Variants in RPA3 observed in about 807,000 individuals in gnomAD.
RPA3 encodes the protein replication protein A 14 kDa subunit.
RPA3 carries 24 observed loss-of-function variants against 13.7 expected under a neutral mutation model. The ratio of observed to expected loss-of-function variants is 1.75; its 90% CI spans 1.27 to 2.46. The LOEUF is 2.46. RPA3 is among the 30% of genes most tolerant of loss of function. RPA3 has a pLI of 0.00. For synonymous variants in RPA3, 59 were observed against 51.2 expected, an observed-to-expected ratio of 1.15 and a Z score of -0.65; for missense variants, 183 against 151.0, an observed-to-expected ratio of 1.21 and a Z score of -1.11.
intron 5 of RPA3, among the ~76,000 whole-genome samples, 200 bp from the exon 6 acceptor site, chr7:7,639,344 T>C (rs1563071812): frequency 6.6e-6 from 1 of 152,140 alleles, no homozygotes; most frequent in Non-Finnish European, 1.5e-5. Flanking sequence ...TTTCTGAATT[T>C]CAGATAAACA....
chr7:7,687,105 T>C (rs1391646776), intron 3 of RPA3, 123 bp downstream of exon 3: 1 of 152,194 alleles, frequency 6.6e-6, no homozygotes, highest in East Asian at 1.9e-4. Context: ...AACTATTTTA[T>C]TATGTGATTT....
intron 4 of RPA3, among the ~76,000 whole-genome samples, chr7:7,652,841 A>G (rs369878812): frequency 6.6e-6 from 1 of 152,230 alleles, no homozygotes; most frequent in African/African-American, 2.4e-5. Context: ...TTGAAAGTCA[A>G]ATAATTTTTA....
At chr7:7,666,561 T>C (rs1049490590) in intron 4 of RPA3, among the ~76,000 whole-genome samples, 2 of 152,140 alleles carry the variant, frequency 1.3e-5, no homozygotes, top group Non-Finnish European at 2.9e-5. Flanking sequence ...TGGTATCTCA[T>C]TGAGATTCTA....
intron 2 of RPA3, among the ~76,000 whole-genome samples, chr7:7,714,637 G>A (rs868465997): frequency 6.6e-6 from 1 of 152,032 alleles, no homozygotes; most frequent in East Asian, 1.9e-4. Context: ...TGGAGGTTGT[G>A]TACAATGTAT....
chr7:7,651,356 G>A (rs1244837707), intron 4 of RPA3, among the ~76,000 whole-genome samples: 1 of 152,146 alleles, frequency 6.6e-6, no homozygotes, highest in Non-Finnish European at 1.5e-5. Flanking sequence ...GTTTATAAGG[G>A]TACAGGATGG....
chr7:7,677,395 C>T (rs927843814), intron 4 of RPA3, among the ~76,000 whole-genome samples: 2 of 151,944 alleles, frequency 1.3e-5, no homozygotes, highest in East Asian at 3.9e-4. Flanking sequence ...CATTTTATTT[C>T]CCTCTTTCTG....
At chr7:7,667,679 A>C (rs1166139665) in intron 4 of RPA3, among the ~76,000 whole-genome samples, 1 of 152,214 alleles carries the variant, frequency 6.6e-6, no homozygotes, top group Non-Finnish European at 1.5e-5. Context: ...AGAGCTGAGC[A>C]AGGCTTGGGA....
intron 4 of RPA3, among the ~76,000 whole-genome samples, chr7:7,672,640 G>A (rs191440826): frequency 6.6e-6 from 1 of 152,174 alleles, no homozygotes; most frequent in Non-Finnish European, 1.5e-5. Flanking sequence ...TTTTATAAGG[G>A]GCTTGGCACT....
chr7:7,684,875 A>T (rs1161719849), intron 4 of RPA3, among the ~76,000 whole-genome samples: 1 of 152,156 alleles, frequency 6.6e-6, no homozygotes, highest in African/African-American at 2.4e-5. Flanking sequence ...CTATGGTACT[A>T]TTTCCTTGAA....
At position 7,699,053 on chromosome 7, in the gene RPA3, G is replaced by C. The variant is rs4524695; in HGVS notation, c.-1027-11725C>G. ...TATAGTTTGTGTGTGTGTGTGTGGG[G>C]GGGGGGTAGATACCAGGTTTGCTAT... On this transcript the variant is annotated intron_variant, in intron 2 of 7. Coordinates refer to ENST00000223129, the MANE Select transcript of RPA3 (RefSeq NM_002947.5). 2.0e-4 allele frequency among the ~76,000 whole-genome samples: 30 copies of C among 150,806 alleles called. No homozygotes were observed. The East Asian group carries it at 2.5e-3, about 13-fold the overall frequency.
chr7:7,696,851 T>A (rs1240655766), intron 2 of RPA3, among the ~76,000 whole-genome samples: 1 of 151,938 alleles, frequency 6.6e-6, no homozygotes, highest in Non-Finnish European at 1.5e-5. Flanking sequence ...TTTTTTTTTT[T>A]AAAGGCTGCC....
At chr7:7,668,410 G>C (rs1779524714) in intron 4 of RPA3, among the ~76,000 whole-genome samples, 1 of 152,144 alleles carries the variant, frequency 6.6e-6, no homozygotes, top group Non-Finnish European at 1.5e-5. Context: ...GAGAGGGAGA[G>C]AGAGGGGGAC....
At chr7:7,666,915 C>T (rs1185334706) in intron 4 of RPA3, among the ~76,000 whole-genome samples, 1 of 152,158 alleles carries the variant, frequency 6.6e-6, no homozygotes, top group Non-Finnish European at 1.5e-5. Flanking sequence ...AAGTAATTCT[C>T]CTGCCTCTCA....
chr7:7,689,331 T>C (rs1780117883), intron 2 of RPA3: 2 of 152,156 alleles, frequency 1.3e-5, no homozygotes, highest in African/African-American at 4.8e-5. Context: ...CCAACTTTGC[T>C]TAGGAGAGCT....
intron 4 of RPA3, among the ~76,000 whole-genome samples, chr7:7,650,727 C>T (rs1168360546): frequency 2.0e-5 from 3 of 152,372 alleles, no homozygotes; most frequent in South Asian, 4.1e-4. Flanking sequence ...AGCCATTCTG[C>T]ATCCTGAACC....
In RPA3 at chr7:7,637,064, T is replaced by A; in HGVS notation, c.302A>T (p.Glu101Val). The part of the protein sequence containing the change: ...SHPFDLGLYN[E>V]AVKIIHDFPQ... ...GAAGTCATGGATAATTTTCACAGCT[T>A]CATTGTAAAGTCCAAGATCTGAAAG... Residue 101 changes from glutamate (E) to valine (V), a missense_variant, in exon 8 of 8, where the codon GAA (glutamate) becomes GTA (valine). By Grantham distance (121) the Glu-to-Val change is moderately radical. Coordinates refer to ENST00000223129, the MANE Select transcript of RPA3 (RefSeq NM_002947.5). 1 of 1,611,666 alleles carries A rather than the reference T, an allele frequency of 6.2e-7. No individual in the cohort carries two copies. The highest frequency in any genetic ancestry group is 1.1e-5 in the South Asian group (1 of 91,016).
intron 2 of RPA3, among the ~76,000 whole-genome samples, chr7:7,695,439 A>AT (rs28912704): frequency 0.051 from 7,780 of 152,122 alleles, 249 homozygotes; most frequent in Middle Eastern, 0.12. Flanking sequence ...TAATACGTTG[A>AT]TTTTTTTTAC....
In RPA3 at chr7:7,640,413, C is replaced by T. The variant is rs1456287731; in HGVS notation, c.6G>A (p.Val2=). The T allele has an allele frequency of 6.2e-7, 1 of 1,613,824 alleles. No individual in the cohort carries two copies. The highest frequency in any genetic ancestry group is 1.1e-5 in the South Asian group (1 of 91,082). Residue 2 remains valine, a synonymous_variant, in exon 5 of 8, where the codon GTG becomes GTA. Coordinates refer to ENST00000223129, the MANE Select transcript of RPA3 (RefSeq NM_002947.5). ...GCGACCTGGGCAAGTCCATCATGTCCACCATGATTATGGTCCAAGACTGCG... is the reference window on the plus strand; with the variant it reads ...GCGACCTGGGCAAGTCCATCATGTCTACCATGATTATGGTCCAAGACTGCG... M[V]DMMDLPRSRI... is the part of the protein sequence containing the mutation.
chr7:7,642,048 A>G (rs1784985562), intron 4 of RPA3, among the ~76,000 whole-genome samples: 2 of 152,344 alleles, frequency 1.3e-5, no homozygotes, highest in South Asian at 4.1e-4. Flanking sequence ...ATTTTATATT[A>G]CAGCTTTAAG....
Sources: gnomAD v4.1 joint callset for allele counts (sites outside exome capture counted in the v4.1 genomes callset) on GRCh38, gnomAD v4.1.1 for gene constraint, MANE v1.5 for transcripts, NCBI Gene and HGNC (gene_info 2026-07-23, HGNC 2026-07-21) for gene names.